The following FSTL5 variants were observed in gnomAD, a reference collection of about 807,000 sequenced individuals.
FSTL5 encodes the protein follistatin like 5.
In FSTL5, 62 loss-of-function variants were observed where a neutral mutation model predicts 89.1. The ratio of observed to expected loss-of-function variants is 0.70; its 90% CI spans 0.57 to 0.86. The LOEUF (loss-of-function observed/expected upper bound fraction) is 0.86. Among genes scored for constraint, FSTL5 ranks in the 40% least tolerant of loss-of-function variants. FSTL5 has a pLI of 0.00. For synonymous variants in FSTL5, 383 were observed against 346.2 expected (o/e 1.11, Z -1.18); for missense variants, 1,057 against 1,001.6 (o/e 1.06, Z -0.75).
intron 4 of FSTL5, among the ~76,000 whole-genome samples, chr4:161,788,038 A>T (rs1741967670): frequency 6.6e-6 from 1 of 152,204 alleles, no homozygotes; most frequent in Admixed American, 6.5e-5. Context: ...TTGTGCATAA[A>T]CAGCAGAGGA....
At chr4:161,630,925 T>C (rs546397943) in intron 7 of FSTL5, among the ~76,000 whole-genome samples, 98 of 152,328 alleles carry the variant, frequency 6.4e-4, no homozygotes, top group African/African-American at 2.2e-3. Context: ...TTTTAACTGT[T>C]TTCTTAACAG....
At chr4:161,962,566 TTAA>T (rs2110984498) in intron 3 of FSTL5, among the ~76,000 whole-genome samples, 1 of 152,086 alleles carries the variant, frequency 6.6e-6, no homozygotes, top group African/African-American at 2.4e-5. Context: ...CCTCGGAGTA[TTAA>T]TGAGCCCGCA....
At chr4:161,592,194 C>A (rs534227720) in intron 7 of FSTL5, among the ~76,000 whole-genome samples, 1 of 152,228 alleles carries the variant, frequency 6.6e-6, no homozygotes, top group African/African-American at 2.4e-5. Flanking sequence ...AACATGTCAA[C>A]CCCTGTATTT....
intron 3 of FSTL5, among the ~76,000 whole-genome samples, chr4:161,952,358 G>A (rs942545419): frequency 1.7e-4 from 26 of 152,028 alleles, no homozygotes; most frequent in Non-Finnish European, 1.5e-5. Flanking sequence ...GGGAAATAAA[G>A]AAGGTGGAAT....
intron 1 of FSTL5, among the ~76,000 whole-genome samples, chr4:162,133,894 C>T (rs528064524): frequency 5.3e-5 from 8 of 152,248 alleles, no homozygotes; most frequent in African/African-American, 1.4e-4. Context: ...CAATGCCAAC[C>T]AGTTGTTCTC....
chr4:161,758,073 C>T lies in FSTL5; in HGVS notation c.727+1338G>A, dbSNP rs1055756712. On this transcript the variant is annotated intron_variant, in intron 6 of 15. Coordinates refer to ENST00000306100, the MANE Select transcript of FSTL5 (RefSeq NM_020116.5). Reference sequence around the variant, plus strand: ...CCATATCCAAAGAGCGTATTTTTATCGTGATTTAAAAATTTATAAGCTACA... The same window carrying T: ...CCATATCCAAAGAGCGTATTTTTATTGTGATTTAAAAATTTATAAGCTACA... Among the ~76,000 whole-genome samples, 4 of 151,978 alleles carry T rather than the reference C, an allele frequency of 2.6e-5. No individual in the cohort carries two copies. In the East Asian group the frequency reaches 5.8e-4, roughly 22 times the overall value.
At chr4:161,824,369 A>G (rs546170604) in intron 4 of FSTL5, among the ~76,000 whole-genome samples, 52 of 152,262 alleles carry the variant, frequency 3.4e-4, no homozygotes, top group Middle Eastern at 3.4e-3. Flanking sequence ...CCATTGGCCT[A>G]TGTGCCTATT....
intron 4 of FSTL5, among the ~76,000 whole-genome samples, chr4:161,789,131 A>G (rs1011272621): frequency 2.6e-5 from 4 of 152,154 alleles, no homozygotes; most frequent in African/African-American, 9.7e-5. Flanking sequence ...ATACACTAAC[A>G]CAAAAATATA....
At chr4:161,881,002 G>A (rs4691801) in intron 4 of FSTL5, among the ~76,000 whole-genome samples, 126,115 of 151,340 alleles carry the variant, frequency 0.83, 53,165 homozygotes, top group Non-Finnish European at 0.9. Context: ...ATAAGAAAGC[G>A]CAATAGAAGG....
intron 7 of FSTL5, among the ~76,000 whole-genome samples, chr4:161,622,475 A>G (rs966558873): frequency 6.6e-6 from 1 of 152,090 alleles, no homozygotes; most frequent in Non-Finnish European, 1.5e-5. Flanking sequence ...GAATACAGAA[A>G]AAAGTCATTA....
chr4:161,808,435 C>T (rs1254147465), intron 4 of FSTL5, among the ~76,000 whole-genome samples: 2 of 151,996 alleles, frequency 1.3e-5, no homozygotes, highest in African/African-American at 2.4e-5. Flanking sequence ...GAAAATAACC[C>T]GTGTCCATTA....
At chr4:161,572,777 A>G (rs1179871815) in intron 8 of FSTL5, among the ~76,000 whole-genome samples, 2 of 152,190 alleles carry the variant, frequency 1.3e-5, no homozygotes, top group Non-Finnish European at 2.9e-5. Flanking sequence ...TCACTGGGTG[A>G]CTGAATGAAA....
At chr4:161,720,204 CAAA>C (rs34684242) in intron 6 of FSTL5, among the ~76,000 whole-genome samples, 29,664 of 142,026 alleles carry the variant, frequency 0.21, 3,224 homozygotes, top group South Asian at 0.32. Context: ...AACACAATAG[CAAA>C]AAAAAAAAAA....
At chr4:162,078,367 C>T (rs1315840388) in intron 2 of FSTL5, among the ~76,000 whole-genome samples, 2 of 151,808 alleles carry the variant, frequency 1.3e-5, no homozygotes, top group African/African-American at 2.4e-5. Flanking sequence ...CACCTAGAAG[C>T]GGCTGACTTT....
chr4:161,713,991 C>CT (rs1265231385), intron 6 of FSTL5, among the ~76,000 whole-genome samples: 5 of 152,096 alleles, frequency 3.3e-5, no homozygotes, highest in African/African-American at 1.2e-4. Context: ...CCTGTGCTTC[C>CT]ACTTTTTAAA....
intron 6 of FSTL5, among the ~76,000 whole-genome samples, chr4:161,679,210 G>T (rs1030687392): frequency 4.6e-5 from 7 of 151,646 alleles, no homozygotes; most frequent in Non-Finnish European, 4.4e-5. Flanking sequence ...AATAAATATT[G>T]CAAAAGCATT....
intron 1 of FSTL5, among the ~76,000 whole-genome samples, chr4:162,160,119 T>C (rs1733637655): frequency 6.6e-6 from 1 of 151,942 alleles, no homozygotes; most frequent in Non-Finnish European, 1.5e-5. Flanking sequence ...TGTGTAAATA[T>C]ATATGTACAC....
chr4:162,131,863 G>C (rs1732313938), intron 1 of FSTL5, among the ~76,000 whole-genome samples: 1 of 152,160 alleles, frequency 6.6e-6, no homozygotes, highest in Non-Finnish European at 1.5e-5. Context: ...GATTTTGGCA[G>C]GCAAGAAAAT....
At chr4:161,624,536 C>T (rs1290939436) in intron 7 of FSTL5, among the ~76,000 whole-genome samples, 5 of 151,370 alleles carry the variant, frequency 3.3e-5, no homozygotes, top group Admixed American at 3.3e-4. Context: ...TATTATAGAG[C>T]TACAGATTAT....
Sources: allele counts gnomAD v4.1 joint callset (sites outside exome capture counted in the v4.1 genomes callset), GRCh38; gene constraint gnomAD v4.1.1; transcripts MANE v1.5; gene names NCBI Gene and HGNC (gene_info 2026-07-23, HGNC 2026-07-21).